CTNNA3: variants seen among roughly 807,000 people sequenced by gnomAD.
CTNNA3 encodes catenin alpha 3, also known as catenin alpha-3.
CTNNA3 carries 76 observed loss-of-function variants against 95.7 expected under a neutral mutation model. That is an observed-to-expected ratio of 0.79 (90% CI 0.66 to 0.96). The LOEUF (loss-of-function observed/expected upper bound fraction) is 0.96, where lower values mean the gene tolerates loss of function less well. Among genes scored for constraint, CTNNA3 ranks in the 40% least tolerant of loss-of-function variants. The probability of loss-of-function intolerance (pLI) is 0.00; values close to 1 mark genes in which losing one functional copy is unlikely to be tolerated. For missense variants in CTNNA3, 1,191 were observed against 1,089.8 expected, an observed-to-expected ratio of 1.09 and a Z score of -1.31; for synonymous variants, 431 against 374.4, an observed-to-expected ratio of 1.15 and a Z score of -1.74.
intron 4 of CTNNA3, among the ~76,000 whole-genome samples, chr10:67,526,953 C>T (rs7068960): frequency 0.036 from 5,496 of 152,284 alleles, 113 homozygotes; most frequent in South Asian, 0.1. Flanking sequence ...ATGACGAAAT[C>T]ATTGATGCTT....
rs2077006406 is a variant in CTNNA3, at chr10:65,916,222, A to T, written c.*4108T>A. 1.3e-5 allele frequency: 2 copies of T among 152,008 alleles called. No individual in the cohort carries two copies. Among genetic ancestry groups the T allele is most frequent in the South Asian group, 4.1e-4 (2 of 4,834 alleles). The allele number at this position is 152,008 out of a possible 1,614,324, so 9.4% of individuals were successfully genotyped here. A position where few individuals can be genotyped will look rare whatever the true frequency, so the allele number is the denominator to read the frequency against. On this transcript the variant is annotated 3_prime_UTR_variant, in exon 18 of 18. Transcript: ENST00000433211. ...AAAAAGAATTATTAAAATAATATAA[A>T]ATTATATTCTTTTTAACTGAAATAT...
At chr10:67,252,291 T>C (rs1391105727) in intron 5 of CTNNA3, among the ~76,000 whole-genome samples, 1 of 151,138 alleles carries the variant, frequency 6.6e-6, no homozygotes, top group Admixed American at 6.6e-5. Context: ...GAAGCTCATC[T>C]ACTGTCTGAG....
At chr10:66,854,893 C>T (rs569567604) in intron 7 of CTNNA3, among the ~76,000 whole-genome samples, 3 of 151,938 alleles carry the variant, frequency 2.0e-5, no homozygotes, top group South Asian at 2.1e-4. Flanking sequence ...GCCCTGGATA[C>T]TGGCTGAGTA....
chr10:67,710,384 A>G (rs1479564862), intron 1 of CTNNA3, among the ~76,000 whole-genome samples: 1 of 152,206 alleles, frequency 6.6e-6, no homozygotes, highest in Non-Finnish European at 1.5e-5. Context: ...AATGAGATTA[A>G]TCCTGAAGAG....
intron 5 of CTNNA3, among the ~76,000 whole-genome samples, chr10:67,412,240 TAA>T (rs1845394278): frequency 6.6e-6 from 1 of 152,160 alleles, no homozygotes; most frequent in African/African-American, 2.4e-5. Context: ...AATTATGACC[TAA>T]GTCTGACTAC....
At chr10:67,340,693 T>C (rs1233249998) in intron 5 of CTNNA3, among the ~76,000 whole-genome samples, 1 of 152,208 alleles carries the variant, frequency 6.6e-6, no homozygotes, top group Non-Finnish European at 1.5e-5. Context: ...CTACTGCTGT[T>C]TCCCCAGAAC....
At chr10:66,069,270 C>T in intron 15 of CTNNA3, 38 bp downstream of exon 15, 1 of 1,577,536 alleles carries the variant, frequency 6.3e-7, no homozygotes, top group African/African-American at 1.3e-5. Flanking sequence ...ATATTTTCAG[C>T]CATTATGAAT....
chr10:66,654,718 C>T (rs761266180), intron 9 of CTNNA3, among the ~76,000 whole-genome samples: 4 of 151,946 alleles, frequency 2.6e-5, no homozygotes, highest in African/African-American at 7.3e-5. Flanking sequence ...TGTTTGTCAA[C>T]ATATGAATGG....
intron 7 of CTNNA3, among the ~76,000 whole-genome samples, chr10:66,784,527 TA>T (rs754963991): frequency 4.6e-5 from 7 of 152,170 alleles, no homozygotes; most frequent in Non-Finnish European, 8.8e-5. Context: ...TACTCAAAGA[TA>T]GTCTCTCCCT....
chr10:67,434,786 G>T (rs753438897), intron 5 of CTNNA3, among the ~76,000 whole-genome samples: 13 of 152,088 alleles, frequency 8.5e-5, no homozygotes, highest in Non-Finnish European at 1.3e-4. Flanking sequence ...AGGAACCTGA[G>T]TTTGATGAAA....
chr10:66,135,067 G>A (rs573476621), intron 13 of CTNNA3, among the ~76,000 whole-genome samples: 23 of 152,020 alleles, frequency 1.5e-4, no homozygotes, highest in Non-Finnish European at 3.2e-4. Context: ...ATACTGAACT[G>A]GAATGAAAAA....
chr10:66,977,607 T>G (rs1292959539), intron 7 of CTNNA3, among the ~76,000 whole-genome samples: 4 of 152,202 alleles, frequency 2.6e-5, no homozygotes, highest in African/African-American at 9.7e-5. Context: ...AGCATTCCTA[T>G]CTAAAGAGCT....
intron 5 of CTNNA3, among the ~76,000 whole-genome samples, chr10:67,323,619 C>T (rs919703020): frequency 6.6e-6 from 1 of 152,132 alleles, no homozygotes; most frequent in Non-Finnish European, 1.5e-5. Context: ...TTATTGCAGC[C>T]TTGTAGTATA....
chr10:66,651,293 C>A (rs963507704), intron 9 of CTNNA3, among the ~76,000 whole-genome samples: 2 of 152,174 alleles, frequency 1.3e-5, no homozygotes, highest in Non-Finnish European at 2.9e-5. Context: ...GGTGCATCCA[C>A]AAACCCTGAG....
intron 13 of CTNNA3, among the ~76,000 whole-genome samples, chr10:66,122,359 G>T (rs2082620043): frequency 6.6e-6 from 1 of 152,020 alleles, no homozygotes; most frequent in Non-Finnish European, 1.5e-5. Context: ...GGAACAATTA[G>T]AAAAGGTGTA....
At chr10:66,623,906 T>C (rs559351008) in intron 9 of CTNNA3, among the ~76,000 whole-genome samples, 1 of 152,316 alleles carries the variant, frequency 6.6e-6, no homozygotes, top group South Asian at 2.1e-4. Context: ...AAATTTCTTC[T>C]AATGATGATT....
intron 2 of CTNNA3, among the ~76,000 whole-genome samples, chr10:67,613,521 G>A (rs1452072947): frequency 6.6e-6 from 1 of 152,176 alleles, no homozygotes; most frequent in Non-Finnish European, 1.5e-5. Context: ...TTCATTAAAA[G>A]GAAGTCCTTA....
At chr10:66,795,104 G>A (rs972693028) in intron 7 of CTNNA3, among the ~76,000 whole-genome samples, 3 of 152,080 alleles carry the variant, frequency 2.0e-5, no homozygotes, top group Non-Finnish European at 4.4e-5. Flanking sequence ...ATATAATGTT[G>A]ATATTTTGAC....
intron 7 of CTNNA3, among the ~76,000 whole-genome samples, chr10:66,800,304 A>G (rs986231825): frequency 2.0e-5 from 3 of 151,498 alleles, no homozygotes; most frequent in South Asian, 2.1e-4. Context: ...TTGATAAATT[A>G]ATATCAAAAG....
Sources: gnomAD v4.1 joint callset for allele counts (sites outside exome capture counted in the v4.1 genomes callset) on GRCh38, gnomAD v4.1.1 for gene constraint, MANE v1.5 for transcripts, NCBI Gene and HGNC (gene_info 2026-07-23, HGNC 2026-07-21) for gene names.